Variants in PIWIL2 observed in about 807,000 individuals in gnomAD.
PIWIL2 encodes the protein piwi like RNA-mediated gene silencing 2, also known as piwi-like protein 2.
Under a neutral mutation model 116.5 loss-of-function variants are expected in PIWIL2, and 81 were observed. That is an observed-to-expected ratio of 0.70 (90% CI 0.58 to 0.84). The LOEUF (loss-of-function observed/expected upper bound fraction) is 0.84, where lower values mean the gene tolerates loss of function less well. PIWIL2 is among the 40% of genes least tolerant of loss of function. The pLI, the probability that PIWIL2 is intolerant of heterozygous loss-of-function variation, is 0.00. For missense variants in PIWIL2, 1,272 were observed against 1,212.3 expected (o/e 1.05, Z -0.73); for synonymous variants, 489 against 429.5 (o/e 1.14, Z -1.71).
chr8:22,323,008 C>A (rs752455307), intron 20 of PIWIL2, among the ~76,000 whole-genome samples: 29 of 151,662 alleles, frequency 1.9e-4, no homozygotes, highest in Admixed American at 2.0e-4. Flanking sequence ...CTTCCGCCTC[C>A]CCGGTTCAAG....
At chr8:22,326,738 C>T (rs908717274) in intron 20 of PIWIL2, among the ~76,000 whole-genome samples, 3 of 152,178 alleles carry the variant, frequency 2.0e-5, no homozygotes, top group African/African-American at 7.2e-5. Flanking sequence ...GATCCTTTCA[C>T]TTGTTGATAA....
chr8:22,294,948 G>A (rs1051452536), intron 10 of PIWIL2, among the ~76,000 whole-genome samples: 1 of 149,570 alleles, frequency 6.7e-6, no homozygotes, highest in Non-Finnish European at 1.5e-5. Flanking sequence ...GCGTGGTGGC[G>A]CAGGGCTGTA....
At chr8:22,343,585 G>A (rs1262810295) in intron 20 of PIWIL2, among the ~76,000 whole-genome samples, 2 of 152,224 alleles carry the variant, frequency 1.3e-5, no homozygotes, top group African/African-American at 2.4e-5. Context: ...GTGACAGAGC[G>A]AGACTCCGTC....
chr8:22,333,845 A>C (rs1831917999), intron 20 of PIWIL2, among the ~76,000 whole-genome samples: 1 of 151,984 alleles, frequency 6.6e-6, no homozygotes, highest in African/African-American at 2.4e-5. Flanking sequence ...AAAAAACCTT[A>C]ATTCGGTGAA....
At chr8:22,295,235 A>G (rs1830869630) in intron 10 of PIWIL2, among the ~76,000 whole-genome samples, 1 of 151,972 alleles carries the variant, frequency 6.6e-6, no homozygotes, top group Non-Finnish European at 1.5e-5. Flanking sequence ...ATTCACAGGC[A>G]TGATCATTGC....
intron 10 of PIWIL2, among the ~76,000 whole-genome samples, chr8:22,296,266 C>A (rs545526600): frequency 6.6e-6 from 1 of 152,066 alleles, no homozygotes; most frequent in Non-Finnish European, 1.5e-5. Flanking sequence ...AGGACGGTCT[C>A]GATCTCTTGA....
intron 20 of PIWIL2, among the ~76,000 whole-genome samples, chr8:22,334,194 C>T (rs994593765): frequency 6.6e-6 from 1 of 151,784 alleles, no homozygotes; most frequent in African/African-American, 2.4e-5. Context: ...AGGCTAGTCT[C>T]GAACTCCTGA....
rs1832474252 is a variant in PIWIL2, at chr8:22,355,692, A to G, written c.*187A>G. On this transcript the variant is annotated 3_prime_UTR_variant, in exon 23 of 23. Coordinates refer to ENST00000356766, the MANE Select transcript of PIWIL2 (RefSeq NM_018068.5). ...TCACCAAGAAGCAAGTTTCTGAGTA[A>G]CAGCTGAAAATGGCCTTGTTGCCTG... 1.6e-6 allele frequency: 1 copy of G among 614,060 alleles called. No homozygotes were observed. The highest frequency in any genetic ancestry group is 2.8e-6 in the Non-Finnish European group (1 of 355,036). The allele number at this position is 614,060 out of a possible 1,614,324, so 38.0% of individuals were successfully genotyped here. A position where few individuals can be genotyped will look rare whatever the true frequency, so the allele number is the denominator to read the frequency against.
intron 10 of PIWIL2, among the ~76,000 whole-genome samples, chr8:22,291,026 T>C (rs780706599): frequency 5.9e-5 from 9 of 151,690 alleles, no homozygotes; most frequent in Non-Finnish European, 1.3e-4. Flanking sequence ...TGGAGTGCAG[T>C]GGTGCAATCT....
chr8:22,347,876 A>G (rs933543983), intron 20 of PIWIL2, among the ~76,000 whole-genome samples: 1 of 151,878 alleles, frequency 6.6e-6, no homozygotes, highest in African/African-American at 2.4e-5. Flanking sequence ...CCAGGGAGCA[A>G]ATCTCTTACA....
At position 22,279,406 on chromosome 8, in the gene PIWIL2, C is replaced by G; in HGVS notation, c.20C>G (p.Ser7Trp). 6.2e-7 allele frequency: 1 copy of G among 1,614,132 alleles called. No individual in the cohort carries two copies. Among genetic ancestry groups the G allele is most frequent in the Non-Finnish European group, 8.5e-7 (1 of 1,179,974 alleles). The change falls in exon 2 of 23, where the codon TCG (serine) becomes TGG (tryptophan). Residue 7 changes from serine to tryptophan, a missense_variant. Physicochemically the swap from Ser to Trp is radical, Grantham distance 177. Coordinates refer to ENST00000356766, the MANE Select transcript of PIWIL2 (RefSeq NM_018068.5). ...CCGTCCATGGATCCTTTCCGACCAT[C>G]GTTCAGGGGCCAGTCTCCTATCCAC... MDPFRP[S>W]FRGQSPIHPS...
intron 14 of PIWIL2, among the ~76,000 whole-genome samples, chr8:22,308,870 C>T (rs966772594): frequency 1.3e-5 from 2 of 152,030 alleles, no homozygotes; most frequent in Admixed American, 1.3e-4. Context: ...GCTGGTCTCT[C>T]GAGCTCCTGA....
chr8:22,280,535 T>C (rs535157828), intron 2 of PIWIL2, among the ~76,000 whole-genome samples: 5 of 152,348 alleles, frequency 3.3e-5, no homozygotes, highest in African/African-American at 9.6e-5. Flanking sequence ...GGAGAAAAGT[T>C]TATGAAAGTA....
At chr8:22,341,920 TAGTA>T (rs966281941) in intron 20 of PIWIL2, among the ~76,000 whole-genome samples, 2 of 147,922 alleles carry the variant, frequency 1.4e-5, no homozygotes, top group South Asian at 2.1e-4. Context: ...CTGCTAGAAC[TAGTA>T]AGTGAGAATT....
chr8:22,293,384 G>T (rs1830809877), intron 10 of PIWIL2, among the ~76,000 whole-genome samples: 1 of 152,022 alleles, frequency 6.6e-6, no homozygotes, highest in Admixed American at 6.5e-5. Flanking sequence ...CTGTTGCCCA[G>T]GCTGGAGTGC....
intron 13 of PIWIL2, among the ~76,000 whole-genome samples, chr8:22,306,456 G>A (rs530402539): frequency 4.6e-5 from 7 of 152,332 alleles, no homozygotes; most frequent in African/African-American, 1.7e-4. Context: ...CAGGAGATGA[G>A]GATGGTTTAT....
intron 20 of PIWIL2, among the ~76,000 whole-genome samples, chr8:22,318,541 C>T (rs1273233037): frequency 6.6e-6 from 1 of 152,182 alleles, no homozygotes; most frequent in Non-Finnish European, 1.5e-5. Flanking sequence ...TGGTTTCGAA[C>T]TCCTGACCTC....
intron 20 of PIWIL2, among the ~76,000 whole-genome samples, chr8:22,331,268 G>A (rs2132079189): frequency 6.6e-6 from 1 of 152,202 alleles, no homozygotes; most frequent in East Asian, 1.9e-4. Context: ...AGCCAAGGTA[G>A]GAGGATAGCT....
intron 12 of PIWIL2, among the ~76,000 whole-genome samples, chr8:22,305,341 C>A (rs920368024): frequency 6.6e-6 from 1 of 151,986 alleles, no homozygotes; most frequent in African/African-American, 2.4e-5. Flanking sequence ...TACAGGAGCC[C>A]GCCACCACCC....
Sources: gnomAD v4.1 joint callset for allele counts (sites outside exome capture counted in the v4.1 genomes callset) on GRCh38, gnomAD v4.1.1 for gene constraint, MANE v1.5 for transcripts, NCBI Gene and HGNC (gene_info 2026-07-23, HGNC 2026-07-21) for gene names.